Variants in STRADA observed in about 807,000 individuals in gnomAD.
STRADA encodes the protein STE20 related adaptor alpha.
STRADA carries 26 observed loss-of-function variants against 55.0 expected under a neutral mutation model. The observed-to-expected ratio is 0.47, with a 90% CI of 0.35 to 0.66. STRADA has a LOEUF of 0.66. STRADA is among the 30% of genes least tolerant of loss of function. The pLI, the probability that STRADA is intolerant of heterozygous loss-of-function variation, is 0.01. For synonymous variants in STRADA, 197 were observed against 210.9 expected (o/e 0.93, Z 0.57); for missense variants, 443 against 549.7 (o/e 0.81, Z 1.94).
chr17:63,731,880 T>A (rs1376397285), intron 1 of STRADA, among the ~76,000 whole-genome samples: 2 of 152,206 alleles, frequency 1.3e-5, no homozygotes, highest in African/African-American at 4.8e-5. Context: ...TTTTGTTTTT[T>A]ATGAGACAGG....
At chr17:63,712,303 G>C (rs1344999964) in intron 6 of STRADA, 2 of 152,214 alleles carry the variant, frequency 1.3e-5, no homozygotes, top group African/African-American at 4.8e-5. Flanking sequence ...AAACTCCCGG[G>C]CTCAAGCAAT....
At chr17:63,738,956 C>T (rs935251658) in intron 1 of STRADA, among the ~76,000 whole-genome samples, 42 of 151,790 alleles carry the variant, frequency 2.8e-4, no homozygotes, top group Non-Finnish European at 8.8e-5. Flanking sequence ...TCGAGACCAT[C>T]CTGGCTAACA....
At chr17:63,711,982 A>C (rs1438694020) in intron 6 of STRADA, among the ~76,000 whole-genome samples, 1 of 152,112 alleles carries the variant, frequency 6.6e-6, no homozygotes, top group Non-Finnish European at 1.5e-5. Context: ...ATGGAGGAGA[A>C]GGCCAGCTGA....
intron 1 of STRADA, among the ~76,000 whole-genome samples, chr17:63,731,256 CTTTTTT>C (rs60777564): frequency 2.6e-5 from 2 of 78,042 alleles, no homozygotes; most frequent in African/African-American, 7.1e-5. Context: ...ATATTCTTTC[CTTTTTT>C]TTTTTTTTTT....
intron 1 of STRADA, among the ~76,000 whole-genome samples, chr17:63,728,696 C>T (rs926959801): frequency 1.1e-4 from 15 of 140,938 alleles, no homozygotes; most frequent in African/African-American, 2.9e-4. Flanking sequence ...GTCAGGAGTT[C>T]GAGACCAGCC....
chr17:63,703,813 G>C, intron 12 of STRADA, 62 bp from the exon 13 acceptor site: 5 of 1,608,734 alleles, frequency 3.1e-6, no homozygotes, highest in Non-Finnish European at 4.2e-6. Context: ...GACACCATGG[G>C]GCAAGGAACC....
rs113378958 is a variant in STRADA at position 63,709,410 on chromosome 17, A to T, written c.581+1081T>A. On this transcript the variant is annotated intron_variant, in intron 8 of 12. Transcript: ENST00000336174. ...TGGGGTTTCCTCTTTTGTAAACTTC[A>T]TATCTTTGGCCCATTTTTCTTGCTT... is the stretch of plus-strand genomic sequence containing the variant. Among the ~76,000 whole-genome samples, 1,037 of 152,168 alleles carry T rather than the reference A, an allele frequency of 6.8e-3. 10 individuals carry two copies. Among genetic ancestry groups the T allele is most frequent in the African/African-American group, 0.023 (953 of 41,494 alleles).
chr17:63,716,219 C>T (rs1396711123), intron 4 of STRADA, among the ~76,000 whole-genome samples: 1 of 151,944 alleles, frequency 6.6e-6, no homozygotes, highest in East Asian at 1.9e-4. Flanking sequence ...CCTCAGCCTC[C>T]CAGGTAGCTG....
At chr17:63,727,566 C>T (rs1348544637) in intron 2 of STRADA, 3 of 152,176 alleles carry the variant, frequency 2.0e-5, no homozygotes, top group African/African-American at 7.2e-5. Context: ...ATGATACAGA[C>T]TGTGAATTGG....
intron 8 of STRADA, 138 bp from the exon 9 acceptor site, chr17:63,707,556 T>C (rs1026486880): frequency 1.3e-6 from 1 of 767,520 alleles, no homozygotes; most frequent in South Asian, 1.8e-5. Context: ...TACATATACA[T>C]AACCATGTTT....
chr17:63,710,398 G>A lies in STRADA; in HGVS notation c.581+93C>T, dbSNP rs575668345. The A allele has an allele frequency of 7.8e-5, 122 of 1,561,216 alleles. No individual in the cohort carries two copies. The South Asian group carries it at 1.4e-3, about 18-fold the overall frequency. On this transcript the variant is annotated intron_variant, in intron 8 of 12. Coordinates refer to ENST00000336174, the MANE Select transcript of STRADA (RefSeq NM_001003787.4). ...TCCAGATCCTTGATTTTAAACTCTG[G>A]CTTCATTAACTTCAGTCAAACTTCA...
Position 63,704,319 on chromosome 17 carries a change from A to C in STRADA, c.1100+22T>G, listed in dbSNP as rs145685855. 16 of 1,611,112 alleles carry C rather than the reference A, an allele frequency of 9.9e-6. No individual in the cohort carries two copies. The African/African-American group carries it at 1.9e-4, about 19-fold the overall frequency. Reference sequence around the variant, plus strand: ...AGCACCCTCTGCTCTCCCGAAGCCCAGGCCCAGGCCAGCAGGGATACCTGG... The same window carrying C: ...AGCACCCTCTGCTCTCCCGAAGCCCCGGCCCAGGCCAGCAGGGATACCTGG... On this transcript the variant is annotated intron_variant, in intron 11 of 12. Transcript: ENST00000336174.
chr17:63,706,661 G>C lies in STRADA; in HGVS notation c.832C>G (p.Pro278Ala). The C allele has an allele frequency of 6.2e-7, 1 of 1,613,942 alleles. No homozygotes were observed. Among genetic ancestry groups the C allele is most frequent in the Non-Finnish European group, 8.5e-7 (1 of 1,179,842 alleles). ...TACELANGHV[P>A]FKDMPATQML... is the part of the protein sequence containing the mutation. ...TGGGTGGCAGGCATATCCTTAAAGGGGACATGGCCGTTGGCCAGTTCACAG... is the reference window on the plus strand; with the variant it reads ...TGGGTGGCAGGCATATCCTTAAAGGCGACATGGCCGTTGGCCAGTTCACAG... Residue 278 changes from proline (P) to alanine (A), a missense_variant, in exon 10 of 13, where the codon CCC becomes GCC. Physicochemically the swap from Pro to Ala is conservative, Grantham distance 27. Coordinates refer to ENST00000336174, the MANE Select transcript of STRADA (RefSeq NM_001003787.4).
intron 1 of STRADA, among the ~76,000 whole-genome samples, chr17:63,738,334 C>T (rs1257846417): frequency 8.0e-6 from 1 of 124,866 alleles, no homozygotes; most frequent in Non-Finnish European, 1.6e-5. Context: ...GAGCGAGACT[C>T]CGACTCAAAA....
intron 6 of STRADA, 115 bp from the exon 7 acceptor site, chr17:63,710,951 A>G: frequency 1.1e-6 from 1 of 922,478 alleles, no homozygotes; most frequent in Non-Finnish European, 1.7e-6. Context: ...GTGTTCTCAG[A>G]GTCATGGGAA....
At chr17:63,719,643 C>A (rs1479986351) in intron 4 of STRADA, among the ~76,000 whole-genome samples, 1 of 152,054 alleles carries the variant, frequency 6.6e-6, no homozygotes, top group Non-Finnish European at 1.5e-5. Context: ...GCTACCATGC[C>A]CGGCTAATTT....
intron 6 of STRADA, among the ~76,000 whole-genome samples, chr17:63,711,361 ATTTTTTT>A (rs2143863206): frequency 6.6e-6 from 1 of 151,768 alleles, no homozygotes; most frequent in South Asian, 2.1e-4. Context: ...TTTCTTTTTT[ATTTTTTT>A]GAGACAGGGT....
intron 10 of STRADA, chr17:63,705,780 GTC>G (rs1417746020): frequency 6.6e-6 from 1 of 152,228 alleles, no homozygotes; most frequent in Non-Finnish European, 1.5e-5. Flanking sequence ...TAGACTCTGG[GTC>G]TCTGCACATG....
chr17:63,708,822 G>C lies in STRADA; in HGVS notation c.582-1404C>G, dbSNP rs922100905. ...AGTGCTGGGACTGTTCAGTGCTCTT[G>C]TATGCTCTAGAACACCTCTTGCCCT... On this transcript the variant is annotated intron_variant, in intron 8 of 12. Coordinates refer to ENST00000336174, the MANE Select transcript of STRADA (RefSeq NM_001003787.4). Among the ~76,000 whole-genome samples, 99 of 152,194 alleles carry C rather than the reference G, an allele frequency of 6.5e-4. 1 individual carries two copies. Among genetic ancestry groups the C allele is most frequent in the African/African-American group, 2.3e-3 (96 of 41,430 alleles).
Sources: allele counts gnomAD v4.1 joint callset (sites outside exome capture counted in the v4.1 genomes callset), GRCh38; gene constraint gnomAD v4.1.1; transcripts MANE v1.5; gene names NCBI Gene and HGNC (gene_info 2026-07-23, HGNC 2026-07-21).